COL5A3: variants seen among roughly 807,000 people sequenced by gnomAD.
The protein encoded by COL5A3 is collagen alpha-3(V) chain.
In COL5A3, 172 loss-of-function variants were observed where a neutral mutation model predicts 250.0. The observed-to-expected ratio is 0.69, with a 90% CI of 0.61 to 0.78. COL5A3 has a LOEUF of 0.78. Ranked by LOEUF, COL5A3 falls within the 30% of genes least tolerant of loss-of-function variation. The probability of loss-of-function intolerance (pLI) is 0.00; values close to 1 mark genes in which losing one functional copy is unlikely to be tolerated. For synonymous variants in COL5A3, 937 were observed against 900.4 expected, an observed-to-expected ratio of 1.04 and a Z score of -0.73; for missense variants, 2,340 against 2,334.4, an observed-to-expected ratio of 1.00 and a Z score of -0.05.
chr19:9,967,497 A>T (rs2086770191), intron 61 of COL5A3, 97 bp from the exon 62 acceptor site: 5 of 518,702 alleles, frequency 9.6e-6, no homozygotes, highest in Non-Finnish European at 1.3e-5. Context: ...ACACACACTC[A>T]CACACACACA....
chr19:9,979,985 C>T lies in COL5A3; in HGVS notation c.2658+9G>A. The stretch of plus-strand genomic sequence containing the variant: ...CCACCCAACCCCCAATGAGGGTGAC[C>T]TCACTCACAGGGGGGCCCTTTGGCC... On this transcript the variant is annotated intron_variant, in intron 36 of 66. Transcript: ENST00000264828. 1.3e-6 allele frequency: 2 copies of T among 1,586,292 alleles called. No individual in the cohort carries two copies. The highest frequency in any genetic ancestry group is 2.3e-5 in the South Asian group (2 of 86,874).
intron 37 of COL5A3, 39 bp downstream of exon 37, chr19:9,979,800 A>C (rs2086980355): frequency 6.4e-7 from 1 of 1,574,320 alleles, no homozygotes; most frequent in East Asian, 2.2e-5. Context: ...AGAAAAAAAA[A>C]AAAAAGGATC....
chr19:10,005,960 G>A lies in COL5A3; in HGVS notation c.273C>T (p.Ser91=), dbSNP rs1253485796. The A allele has an allele frequency of 6.2e-7, 1 of 1,613,956 alleles. No individual in the cohort carries two copies. The highest frequency in any genetic ancestry group is 1.1e-5 in the South Asian group (1 of 91,080). Residue 91 remains serine (S), a synonymous_variant, in exon 3 of 67, where the codon TCC becomes TCT. Coordinates refer to ENST00000264828, the MANE Select transcript of COL5A3 (RefSeq NM_015719.4). ...FPEGHFPENF[S]LLITLRGQPA... The stretch of plus-strand genomic sequence containing the variant: ...GCTGTCCCCGCAAGGTGATCAGCAA[G>A]GAGAAGTTCTCAGGAAAGTGGCCTT...
In COL5A3 at chr19:9,985,899, C is replaced by A; in HGVS notation, c.2353-4G>T. The A allele has an allele frequency of 3.7e-6, 6 of 1,613,990 alleles. No individual in the cohort carries two copies. Among genetic ancestry groups the A allele is most frequent in the Middle Eastern group, 1.7e-4 (1 of 6,060 alleles). On this transcript the variant is annotated splice_polypyrimidine_tract_variant and splice_region_variant and intron_variant, in intron 30 of 66. Transcript: ENST00000264828. ...GGCCTGGCACCCCAAGCTTGCCCTGCAGAAAGGTTATGGGACAAAGGTCAG... is the reference window on the plus strand; with the variant it reads ...GGCCTGGCACCCCAAGCTTGCCCTGAAGAAAGGTTATGGGACAAAGGTCAG...
At chr19:9,970,525 C>G in intron 54 of COL5A3, 97 bp downstream of exon 54, 1 of 631,974 alleles carries the variant, frequency 1.6e-6, no homozygotes. Flanking sequence ...TGTGTGGGGT[C>G]TGTGGGGTGA....
chr19:9,971,149 G>A, intron 52 of COL5A3, 56 bp downstream of exon 52: 1 of 1,438,916 alleles, frequency 6.9e-7, no homozygotes, highest in Non-Finnish European at 9.4e-7. Context: ...GTGGGGGTAG[G>A]GAGATGGGGA....
chr19:9,969,008 A>G (rs2086792601), intron 57 of COL5A3: 1 of 584,476 alleles, frequency 1.7e-6, no homozygotes, highest in Non-Finnish European at 3.0e-6. Flanking sequence ...ATCAAGATGA[A>G]GGGTCAGTGT....
intron 8 of COL5A3, among the ~76,000 whole-genome samples, chr19:9,999,154 T>C (rs559464233): frequency 6.7e-6 from 1 of 148,736 alleles, no homozygotes; most frequent in African/African-American, 2.5e-5. Flanking sequence ...CTTCCTTCCT[T>C]CCTTCCTTCC....
At chr19:9,989,277 T>C in intron 26 of COL5A3, 45 bp downstream of exon 26, 1 of 1,613,422 alleles carries the variant, frequency 6.2e-7, no homozygotes, top group Non-Finnish European at 8.5e-7. Context: ...AGGCCCTGCC[T>C]CCCGACCCTC....
intron 21 of COL5A3, 107 bp from the exon 22 acceptor site, chr19:9,992,155 G>A (rs771867368): frequency 4.9e-5 from 46 of 933,832 alleles, no homozygotes; most frequent in Middle Eastern, 5.0e-4. Flanking sequence ...GGGCACTGTG[G>A]CTCATGCTTG....
chr19:10,001,928 A>G (rs1408848963), intron 6 of COL5A3, 47 bp from the exon 7 acceptor site: 1 of 1,376,248 alleles, frequency 7.3e-7, no homozygotes, highest in South Asian at 1.2e-5. Context: ...GAGGGCAATC[A>G]AGACAAAAGG....
chr19:9,968,290 A>T lies in COL5A3; in HGVS notation c.4314+95T>A. 1 of 1,138,862 alleles carries T rather than the reference A, an allele frequency of 8.8e-7. No homozygotes were observed. Among genetic ancestry groups the T allele is most frequent in the Non-Finnish European group, 1.3e-6 (1 of 778,258 alleles). The allele number at this position is 1,138,862 out of a possible 1,614,324, so 70.5% of individuals were successfully genotyped here. A position where few individuals can be genotyped will look rare whatever the true frequency, so the allele number is the denominator to read the frequency against. On this transcript the variant is annotated intron_variant, in intron 59 of 66. Transcript: ENST00000264828. This position sits in a 1 kb window ranked among gnomAD's most constrained non-coding sequence, Gnocchi z 4.1. ...TATTTTCCCCACACACACCCTCATT[A>T]ATCCAGACCCACGTTTCCCAGACCC...
At chr19:9,969,161 G>A (rs1168368501) in intron 57 of COL5A3, among the ~76,000 whole-genome samples, 188 bp downstream of exon 57, 1 of 151,884 alleles carries the variant, frequency 6.6e-6, no homozygotes, top group Non-Finnish European at 1.5e-5. Flanking sequence ...AGAGCAGAGG[G>A]TTATAGAGAT....
Position 10,001,943 on chromosome 19 carries a change from C to T in COL5A3, c.850-62G>A, listed in dbSNP as rs1008397659. On this transcript the variant is annotated intron_variant, in intron 6 of 66. Coordinates refer to ENST00000264828, the MANE Select transcript of COL5A3 (RefSeq NM_015719.4). ...GAGGGCAATCAAGACAAAAGGGAGG[C>T]ACCCTCCCACTGTCCCCAGGAGCTC... The T allele has an allele frequency of 1.0e-4, 120 of 1,169,150 alleles. 1 individual carries two copies. Among genetic ancestry groups the T allele is most frequent in the Non-Finnish European group, 1.5e-4 (117 of 790,516 alleles). The allele number at this position is 1,169,150 out of a possible 1,614,324, so 72.4% of individuals were successfully genotyped here.
Position 9,981,072 on chromosome 19 carries a change from C to T in COL5A3, c.2505+16G>A, listed in dbSNP as rs1728985184. 3.1e-6 allele frequency: 5 copies of T among 1,613,118 alleles called. No individual in the cohort carries two copies. Among genetic ancestry groups the T allele is most frequent in the African/African-American group, 1.3e-5 (1 of 74,914 alleles). On this transcript the variant is annotated intron_variant, in intron 33 of 66. Coordinates refer to ENST00000264828, the MANE Select transcript of COL5A3 (RefSeq NM_015719.4). Reference sequence around the variant, plus strand: ...CCAAGTCCCAGCAGGGTAGGGGGCACTGTCTATTTTCTTACTGGTGGTCCC... The same window carrying T: ...CCAAGTCCCAGCAGGGTAGGGGGCATTGTCTATTTTCTTACTGGTGGTCCC...
chr19:9,991,971 A>C (rs765792653), intron 22 of COL5A3, 33 bp downstream of exon 22: 1 of 1,599,904 alleles, frequency 6.3e-7, no homozygotes, highest in South Asian at 1.1e-5. Flanking sequence ...GAGTGTCAGA[A>C]GGGTCAGAGG....
chr19:9,987,551 A>G (rs1358975212), intron 27 of COL5A3, among the ~76,000 whole-genome samples: 1 of 151,954 alleles, frequency 6.6e-6, no homozygotes, highest in East Asian at 1.9e-4. Flanking sequence ...AGCCTGGGCA[A>G]CACAGGAAAA....
chr19:9,971,881 A>G (rs2086852974), intron 51 of COL5A3, among the ~76,000 whole-genome samples: 1 of 114,686 alleles, frequency 8.7e-6, no homozygotes, highest in Non-Finnish European at 1.9e-5. Flanking sequence ...TTTACTCACT[A>G]ATTCAAGTGT....
At chr19:9,992,795 A>C in intron 21 of COL5A3, 32 bp downstream of exon 21, 1 of 1,609,630 alleles carries the variant, frequency 6.2e-7, no homozygotes, top group Non-Finnish European at 8.5e-7. Flanking sequence ...ACAAAAAGAC[A>C]GACAGGGATG....
Sources: allele counts gnomAD v4.1 joint callset (sites outside exome capture counted in the v4.1 genomes callset), GRCh38; gene constraint gnomAD v4.1.1; non-coding constraint Gnocchi (gnomAD v3.1); transcripts MANE v1.5; gene names NCBI Gene and HGNC (gene_info 2026-07-23, HGNC 2026-07-21).